The following TANGO6 variants were observed in gnomAD, a reference collection of about 807,000 sequenced individuals.
TANGO6 encodes the protein transport and golgi organization 6 homolog, also known as transport and Golgi organization protein 6 homolog.
A neutral mutation model predicts 114.2 loss-of-function variants in TANGO6; 90 were observed. That is an observed-to-expected ratio of 0.79 (90% CI 0.66 to 0.94). TANGO6 has a LOEUF of 0.94. Among genes scored for constraint, TANGO6 ranks in the 40% least tolerant of loss-of-function variants. The pLI is 0.00. For synonymous variants in TANGO6, 477 were observed against 509.8 expected (o/e 0.94, Z 0.87); for missense variants, 1,274 against 1,315.3 (o/e 0.97, Z 0.49).
At chr16:69,039,974 G>A (rs993093822) in intron 16 of TANGO6, among the ~76,000 whole-genome samples, 14 of 152,112 alleles carry the variant, frequency 9.2e-5, no homozygotes, top group Non-Finnish European at 2.9e-5. Context: ...TTCTTAAAGG[G>A]GGACAATTAA....
chr16:69,077,438 GCA>G (rs1960398027), intron 17 of TANGO6, among the ~76,000 whole-genome samples: 1 of 152,058 alleles, frequency 6.6e-6, no homozygotes, highest in South Asian at 2.1e-4. Flanking sequence ...GCCAGGAGTG[GCA>G]CGCATGAATG....
intron 17 of TANGO6, among the ~76,000 whole-genome samples, chr16:69,067,953 A>AT (rs1331872417): frequency 2.3e-3 from 340 of 149,794 alleles, no homozygotes; most frequent in Non-Finnish European, 3.9e-3. Context: ...AAAAAAAAAA[A>AT]AAAGAAAATA....
At chr16:68,848,074 T>TTC (rs371532981) in intron 1 of TANGO6, among the ~76,000 whole-genome samples, 2 of 150,892 alleles carry the variant, frequency 1.3e-5, no homozygotes, top group Admixed American at 6.6e-5. Flanking sequence ...ATGTTATTGT[T>TTC]TCTCTCTCTC....
intron 7 of TANGO6, among the ~76,000 whole-genome samples, chr16:68,892,634 C>G (rs376141650): frequency 1.8e-4 from 27 of 151,888 alleles, no homozygotes; most frequent in Admixed American, 7.9e-4. Context: ...CCTGCCTGAG[C>G]CTCCCGAGTA....
At chr16:68,861,655 C>T (rs1376981644) in intron 2 of TANGO6, among the ~76,000 whole-genome samples, 3 of 152,214 alleles carry the variant, frequency 2.0e-5, no homozygotes, top group Admixed American at 6.6e-5. Context: ...AAAAGGGAAA[C>T]ACAGAGAAAG....
At chr16:68,854,617 AG>A (rs1961955918) in intron 1 of TANGO6, among the ~76,000 whole-genome samples, 1 of 148,038 alleles carries the variant, frequency 6.8e-6, no homozygotes, top group Non-Finnish European at 1.5e-5. Context: ...TAAAGGTCAA[AG>A]TTTTTTTTTT....
intron 14 of TANGO6, among the ~76,000 whole-genome samples, chr16:68,960,380 C>T (rs910676530): frequency 6.6e-6 from 1 of 150,760 alleles, no homozygotes; most frequent in African/African-American, 2.4e-5. Flanking sequence ...GACTTCTGCT[C>T]TCTCACTCCT....
chr16:68,900,565 C>T lies in TANGO6; in HGVS notation c.1490+19C>T, dbSNP rs1315896775. ...ACATAAGGTAAACAATCAAGGGACCCTTATTTGTTTATAAATTGTGACGTC... is the reference window on the plus strand; with the variant it reads ...ACATAAGGTAAACAATCAAGGGACCTTTATTTGTTTATAAATTGTGACGTC... On this transcript the variant is annotated intron_variant, in intron 8 of 17. Transcript: ENST00000261778. 3.2e-6 allele frequency: 5 copies of T among 1,552,148 alleles called. No homozygotes were observed. The highest frequency in any genetic ancestry group is 3.5e-6 in the Non-Finnish European group (4 of 1,137,980).
At chr16:69,058,049 A>G (rs1291161618) in intron 17 of TANGO6, among the ~76,000 whole-genome samples, 1 of 152,188 alleles carries the variant, frequency 6.6e-6, no homozygotes, top group Non-Finnish European at 1.5e-5. Flanking sequence ...CTCCTTGTCT[A>G]CAACCTGATT....
At chr16:68,885,074 G>C (rs541126283) in intron 7 of TANGO6, among the ~76,000 whole-genome samples, 1 of 152,320 alleles carries the variant, frequency 6.6e-6, no homozygotes. Flanking sequence ...AACAACAAAG[G>C]ATGTGTTGTG....
Position 69,005,284 on chromosome 16 carries a change from G to A in TANGO6, c.2843-17544G>A, listed in dbSNP as rs9928496. 4.1e-3 allele frequency among the ~76,000 whole-genome samples: 628 copies of A among 152,302 alleles called. 5 individuals are homozygous for A. The highest frequency in any genetic ancestry group is 0.014 in the African/African-American group (597 of 41,560). ...AGCATGCAATTTGACAGTAAGAGCA[G>A]AAAAGTAAAATGGCCAATTGTTAGA... On this transcript the variant is annotated intron_variant, in intron 15 of 17. Transcript: ENST00000261778.
At chr16:68,853,212 G>C in intron 1 of TANGO6, among the ~76,000 whole-genome samples, 1 of 150,840 alleles carries the variant, frequency 6.6e-6, no homozygotes. Flanking sequence ...CAGGAGACAG[G>C]GTTTGCAGTG....
chr16:69,066,823 T>TG (rs755019011), intron 17 of TANGO6, among the ~76,000 whole-genome samples: 17 of 152,118 alleles, frequency 1.1e-4, no homozygotes, highest in Non-Finnish European at 2.4e-4. Context: ...GAGGCTGAGG[T>TG]GGGGGGATTG....
intron 14 of TANGO6, among the ~76,000 whole-genome samples, chr16:68,943,044 G>C (rs1963371303): frequency 6.6e-6 from 1 of 151,076 alleles, no homozygotes; most frequent in Non-Finnish European, 1.5e-5. Flanking sequence ...GGGACTACGG[G>C]CATATGCCAC....
Position 68,919,069 on chromosome 16 carries a change from T to G in TANGO6, c.1993-16T>G. ...TTTTCATTCCTCATTGATTCTCAAT[T>G]CCCTTTTTTGGGTAGGTGGTGGACT... On this transcript the variant is annotated splice_polypyrimidine_tract_variant and intron_variant, in intron 11 of 17. Coordinates refer to ENST00000261778, the MANE Select transcript of TANGO6 (RefSeq NM_024562.2). 6 of 1,603,946 alleles carry G rather than the reference T, an allele frequency of 3.7e-6. No homozygotes were observed. Among genetic ancestry groups the G allele is most frequent in the Non-Finnish European group, 5.1e-6 (6 of 1,174,538 alleles).
At chr16:68,900,379 C>T (rs890173291) in intron 7 of TANGO6, 55 bp from the exon 8 acceptor site, 14 of 1,445,704 alleles carry the variant, frequency 9.7e-6, no homozygotes, top group East Asian at 4.5e-5. Flanking sequence ...GTGTGATTCC[C>T]GTTGCTCTGG....
intron 14 of TANGO6, among the ~76,000 whole-genome samples, chr16:68,970,850 A>T (rs945405495): frequency 2.0e-5 from 3 of 151,968 alleles, no homozygotes; most frequent in African/African-American, 7.3e-5. Context: ...TGAGTTGAGA[A>T]CTTCTGATTT....
At chr16:69,061,744 G>A (rs552902804) in intron 17 of TANGO6, among the ~76,000 whole-genome samples, 8 of 151,210 alleles carry the variant, frequency 5.3e-5, no homozygotes, top group East Asian at 2.0e-4. Context: ...CCGGCCGGGC[G>A]CGCGGTGGCT....
At chr16:68,902,751 A>C (rs1962801961) in intron 9 of TANGO6, among the ~76,000 whole-genome samples, 1 of 152,202 alleles carries the variant, frequency 6.6e-6, no homozygotes, top group Admixed American at 6.5e-5. Context: ...CAACAAGCCC[A>C]CTTACTCCAC....
Sources: allele counts gnomAD v4.1 joint callset (sites outside exome capture counted in the v4.1 genomes callset), GRCh38; gene constraint gnomAD v4.1.1; transcripts MANE v1.5; gene names NCBI Gene and HGNC (gene_info 2026-07-23, HGNC 2026-07-21).